Variants in BMP6 observed in about 807,000 individuals in gnomAD.
The protein encoded by BMP6 is bone morphogenetic protein 6.
Under a neutral mutation model 54.1 loss-of-function variants are expected in BMP6, and 17 were observed. That is an observed-to-expected ratio of 0.31 (90% CI 0.22 to 0.47). BMP6 has a LOEUF of 0.47. Ranked by LOEUF, BMP6 falls within the 20% of genes least tolerant of loss-of-function variation. BMP6 has a pLI of 1.00. For synonymous variants in BMP6, 328 were observed against 291.2 expected, an observed-to-expected ratio of 1.13 and a Z score of -1.28; for missense variants, 720 against 690.4, an observed-to-expected ratio of 1.04 and a Z score of -0.48.
intron 1 of BMP6, among the ~76,000 whole-genome samples, chr6:7,822,898 TGTGTGTG>T (rs1758637841): frequency 4.1e-5 from 1 of 24,662 alleles, no homozygotes; most frequent in Admixed American, 4.4e-4. Context: ...TGGTGCTGGT[TGTGTGTG>T]TGTGTGTGTG....
At chr6:7,878,755 G>T (rs561160114) in intron 4 of BMP6, among the ~76,000 whole-genome samples, 2 of 152,244 alleles carry the variant, frequency 1.3e-5, no homozygotes, top group African/African-American at 4.8e-5. Context: ...TGGCGCCTCT[G>T]GGGTGTACTG....
chr6:7,843,447 T>C (rs998742917), intron 1 of BMP6, among the ~76,000 whole-genome samples: 8 of 151,298 alleles, frequency 5.3e-5, no homozygotes, highest in African/African-American at 1.2e-4. Flanking sequence ...TTCTTTCTTT[T>C]TTTTTTTTTT....
chr6:7,730,531 A>G (rs906090061), intron 1 of BMP6, among the ~76,000 whole-genome samples: 1 of 152,192 alleles, frequency 6.6e-6, no homozygotes, highest in African/African-American at 2.4e-5. Flanking sequence ...TTTTGCGGGT[A>G]AGTAGAATCC....
chr6:7,800,709 T>G (rs1287005658), intron 1 of BMP6, among the ~76,000 whole-genome samples: 1 of 152,230 alleles, frequency 6.6e-6, no homozygotes, highest in African/African-American at 2.4e-5. Flanking sequence ...TTATTCTGTC[T>G]TATTTCCATA....
chr6:7,757,326 G>A (rs890057641), intron 1 of BMP6, among the ~76,000 whole-genome samples: 8 of 152,188 alleles, frequency 5.3e-5, no homozygotes, highest in Non-Finnish European at 8.8e-5. Context: ...ACTCTAGGAA[G>A]GATTTTGTTC....
intron 1 of BMP6, among the ~76,000 whole-genome samples, chr6:7,757,944 C>T (rs1258260842): frequency 6.6e-6 from 1 of 152,176 alleles, no homozygotes; most frequent in Non-Finnish European, 1.5e-5. Context: ...CTCTCTCACC[C>T]TGCTAAAATG....
rs1759047138 is a variant in BMP6, at chr6:7,845,447, T to C, written c.857+115T>C. The C allele has an allele frequency of 4.3e-6, 4 of 937,222 alleles. No individual in the cohort carries two copies. In the South Asian group the frequency reaches 8.9e-5, roughly 21 times the overall value. 58.1% of individuals were successfully genotyped at this position (937,222 alleles called of 1,614,324 possible). On this transcript the variant is annotated intron_variant, in intron 2 of 6. Coordinates refer to ENST00000283147, the MANE Select transcript of BMP6 (RefSeq NM_001718.6). ...GGTGACCTGGAGTTCAGGGGCAGCA[T>C]GTGAGTACGATGAGGTGGGTGTTGT...
intron 1 of BMP6, among the ~76,000 whole-genome samples, chr6:7,825,769 G>A (rs777938368): frequency 5.3e-5 from 8 of 151,208 alleles, no homozygotes; most frequent in Non-Finnish European, 7.4e-5. Context: ...GTTTTTCAGA[G>A]ACATAGTGTT....
intron 1 of BMP6, among the ~76,000 whole-genome samples, chr6:7,791,259 C>T (rs989373143): frequency 3.3e-5 from 5 of 152,202 alleles, no homozygotes; most frequent in Non-Finnish European, 7.3e-5. Context: ...TAACTAATGT[C>T]AACGACTTTG....
chr6:7,872,066 C>T (rs1470225450), intron 4 of BMP6, among the ~76,000 whole-genome samples: 1 of 152,174 alleles, frequency 6.6e-6, no homozygotes. Context: ...TTTGTCGCCT[C>T]TCTCTAGCTG....
In BMP6 at chr6:7,727,072, CG is replaced by C; in HGVS notation, c.123del (p.Gln42SerfsTer88). On this transcript the variant is annotated frameshift_variant, in exon 1 of 7. Coordinates refer to ENST00000283147, the MANE Select transcript of BMP6 (RefSeq NM_001718.6). LOFTEE classifies it high-confidence loss of function. ...PLPAAAAAAA[G>X]GQLLGDGGSP... ...TGCCCGCTGCCGCGGCCGCCGCCGC[CG>C]GGGGGCAGCTGCTGGGGGACGGCGG... 1.6e-6 allele frequency: 2 copies of C among 1,237,706 alleles called. No homozygotes were observed. The highest frequency in any genetic ancestry group is 3.3e-5 in the East Asian group (1 of 30,702). 76.7% of individuals were successfully genotyped at this position (1,237,706 alleles called of 1,614,324 possible). A position where few individuals can be genotyped will look rare whatever the true frequency, so the allele number is the denominator to read the frequency against.
chr6:7,858,857 GT>G (rs1759290029), intron 2 of BMP6, among the ~76,000 whole-genome samples: 1 of 150,772 alleles, frequency 6.6e-6, no homozygotes, highest in South Asian at 2.1e-4. Flanking sequence ...ACCACATAGA[GT>G]TTTCATCTTT....
intron 1 of BMP6, among the ~76,000 whole-genome samples, chr6:7,743,174 A>G (rs1757294325): frequency 6.6e-6 from 1 of 152,218 alleles, no homozygotes; most frequent in Non-Finnish European, 1.5e-5. Flanking sequence ...CTTCCAAAAT[A>G]TATGTAGATA....
At chr6:7,834,830 G>C (rs1407269383) in intron 1 of BMP6, among the ~76,000 whole-genome samples, 1 of 152,178 alleles carries the variant, frequency 6.6e-6, no homozygotes, top group African/African-American at 2.4e-5. Flanking sequence ...CAGTAGCTAA[G>C]AGATGTGGAC....
intron 1 of BMP6, among the ~76,000 whole-genome samples, chr6:7,808,332 A>G (rs1318413187): frequency 6.6e-6 from 1 of 152,190 alleles, no homozygotes; most frequent in Non-Finnish European, 1.5e-5. Flanking sequence ...AGATTTACTG[A>G]TAGGTGGATG....
Position 7,727,101 on chromosome 6 carries a change from G to T in BMP6, c.146G>T (p.Ser49Ile). The change falls in exon 1 of 7, where the codon AGC becomes ATC. Residue 49 changes from serine to isoleucine, a missense_variant. Physicochemically the swap from Ser to Ile is moderately radical, Grantham distance 142 (BLOSUM62 -2). This residue lies in a region of BMP6 where 650 missense variants were observed against 556.3 expected (regional missense o/e 1.17). Coordinates refer to ENST00000283147, the MANE Select transcript of BMP6 (RefSeq NM_001718.6). ...AGGQLLGDGG[S>I]PGRTEQPPPS... The stretch of plus-strand genomic sequence containing the variant: ...GGGCAGCTGCTGGGGGACGGCGGGA[G>T]CCCCGGCCGCACGGAGCAGCCGCCG... 1 of 1,403,344 alleles carries T rather than the reference G, an allele frequency of 7.1e-7. No individual in the cohort carries two copies. The allele number at this position is 1,403,344 out of a possible 1,614,324, so 86.9% of individuals were successfully genotyped here.
intron 1 of BMP6, among the ~76,000 whole-genome samples, chr6:7,790,514 C>CAAAAAAAAAAAAAAA (rs35572440): frequency 1.4e-5 from 1 of 73,504 alleles, no homozygotes; most frequent in African/African-American, 6.9e-5. Flanking sequence ...GACCCTGTCT[C>CAAAAAAAAAAAAAAA]AAAAAAAAAA....
At chr6:7,774,910 T>C (rs1362025226) in intron 1 of BMP6, among the ~76,000 whole-genome samples, 1 of 152,196 alleles carries the variant, frequency 6.6e-6, no homozygotes, top group Non-Finnish European at 1.5e-5. Context: ...GTTTGGCATC[T>C]GATGAGGGCC....
intron 1 of BMP6, among the ~76,000 whole-genome samples, chr6:7,730,318 A>T (rs2113101313): frequency 6.6e-6 from 1 of 152,298 alleles, no homozygotes; most frequent in African/African-American, 2.4e-5. Flanking sequence ...AGATCTAAAA[A>T]AATCCCCTAA....
Sources: gnomAD v4.1 joint callset for allele counts (sites outside exome capture counted in the v4.1 genomes callset) on GRCh38, gnomAD v4.1.1 for gene constraint, gnomAD v4.1.1 regional missense constraint, MANE v1.5 for transcripts, NCBI Gene and HGNC (gene_info 2026-07-23, HGNC 2026-07-21) for gene names.